Variants in ZNF484 observed in about 807,000 individuals in gnomAD.
ZNF484 encodes KRAB box containing C2H2 type zinc finger bA526D8.4.
Under a neutral mutation model 12.9 loss-of-function variants are expected in ZNF484, and 11 were observed. The ratio of observed to expected loss-of-function variants is 0.85; its 90% CI spans 0.54 to 1.41. ZNF484 has a LOEUF of 1.41. ZNF484 is among the 40% of genes most tolerant of loss of function. The probability of loss-of-function intolerance (pLI) is 0.00; values close to 1 mark genes in which losing one functional copy is unlikely to be tolerated. For missense variants in ZNF484, 807 were observed against 1,007.7 expected (o/e 0.80, Z 2.70); for synonymous variants, 289 against 334.1 (o/e 0.86, Z 1.47).
chr9:92,859,869 A>G (rs1233963535), intron 2 of ZNF484, among the ~76,000 whole-genome samples: 1 of 152,256 alleles, frequency 6.6e-6, no homozygotes, highest in Non-Finnish European at 1.5e-5. Context: ...TGTCAATGAG[A>G]GTTCCAGGTG....
chr9:92,867,519 A>C (rs1463318060), intron 2 of ZNF484, among the ~76,000 whole-genome samples: 1 of 152,058 alleles, frequency 6.6e-6, no homozygotes, highest in East Asian at 1.9e-4. Context: ...ACAACAAAAA[A>C]ACAAACCTAG....
chr9:92,856,395 T>G, intron 2 of ZNF484, 77 bp from the exon 3 acceptor site: 1 of 1,229,736 alleles, frequency 8.1e-7, no homozygotes, highest in Non-Finnish European at 1.1e-6. Context: ...AACCTTTCAA[T>G]GTGAAGGATC....
In ZNF484 at chr9:92,877,989, G is replaced by A. The variant is rs1857944604; in HGVS notation, c.-130C>T. 1.1e-6 allele frequency: 1 copy of A among 894,896 alleles called. No individual in the cohort carries two copies. The highest frequency in any genetic ancestry group is 1.7e-6 in the Non-Finnish European group (1 of 591,452). 55.4% of individuals were successfully genotyped at this position (894,896 alleles called of 1,614,324 possible). A position where few individuals can be genotyped will look rare whatever the true frequency, so the allele number is the denominator to read the frequency against. ...CAGGACCCACTTCCTTTTTCTCAAT[G>A]CCTCCCAGGCCTAGAGGTACTTCTT... On this transcript the variant is annotated 5_prime_UTR_variant, in exon 1 of 5. Coordinates refer to ENST00000375495, the MANE Select transcript of ZNF484 (RefSeq NM_031486.4).
rs140480856 is a variant in ZNF484 at position 92,848,093 on chromosome 9, G to C, written c.694C>G (p.Leu232Val). ...TGAATGAGAGCTTGCTTATGATGCA[G>C]AGGTTTCCCACATTGGTTACATTCA... ...ACECNQCGKP[L>V]HHKQALIQQQ... Residue 232 changes from leucine (L) to valine (V), a missense_variant, in exon 5 of 5, where the codon CTG becomes GTG. Leu to Val is a conservative substitution (Grantham distance 32, BLOSUM62 1). Coordinates refer to ENST00000375495, the MANE Select transcript of ZNF484 (RefSeq NM_031486.4). This position sits in a 1 kb window ranked among gnomAD's most constrained non-coding sequence, Gnocchi z 4.1. 1.4e-4 allele frequency: 225 copies of C among 1,614,220 alleles called. No individual in the cohort carries two copies. In the East Asian group the frequency reaches 4.9e-3, roughly 35 times the overall value.
intron 2 of ZNF484, among the ~76,000 whole-genome samples, chr9:92,860,331 G>A (rs556642699): frequency 3.3e-5 from 5 of 152,240 alleles, no homozygotes; most frequent in Non-Finnish European, 5.9e-5. Context: ...GGCCAGGCGC[G>A]GTGGCTCACG....
intron 4 of ZNF484, among the ~76,000 whole-genome samples, chr9:92,854,633 C>T (rs1171133767): frequency 8.5e-5 from 13 of 152,088 alleles, no homozygotes; most frequent in South Asian, 4.1e-4. Context: ...AGGAGAATGG[C>T]GTGAACCTGG....
Position 92,855,444 on chromosome 9 carries a change from A to T in ZNF484, c.235+367T>A, listed in dbSNP as rs77085984. On this transcript the variant is annotated intron_variant, in intron 4 of 4. Coordinates refer to ENST00000375495, the MANE Select transcript of ZNF484 (RefSeq NM_031486.4). ...AGAAGGTAGATCTATGAGTATTTGA[A>T]TGCATAAGGAAATGATCTAAGACCT... Among the ~76,000 whole-genome samples the T allele has an allele frequency of 8.4e-3, 1,285 of 152,334 alleles. 41 individuals are homozygous for T. In the East Asian group the frequency reaches 0.097, roughly 12 times the overall value.
At chr9:92,876,021 G>T (rs1308683324) in intron 1 of ZNF484, among the ~76,000 whole-genome samples, 1 of 149,732 alleles carries the variant, frequency 6.7e-6, no homozygotes, top group East Asian at 1.9e-4. Flanking sequence ...CACTTGCAGA[G>T]TATCTCTATC....
At chr9:92,858,484 A>G (rs1856596113) in intron 2 of ZNF484, among the ~76,000 whole-genome samples, 1 of 152,220 alleles carries the variant, frequency 6.6e-6, no homozygotes, top group Admixed American at 6.5e-5. Context: ...TATGAATGTC[A>G]TCAACCCTTA....
chr9:92,864,710 TA>T (rs1856967868), intron 2 of ZNF484, among the ~76,000 whole-genome samples: 2 of 152,084 alleles, frequency 1.3e-5, no homozygotes, highest in Non-Finnish European at 2.9e-5. Context: ...AATGACAATC[TA>T]AAATACATAA....
At position 92,846,297 on chromosome 9, in the gene ZNF484, T is replaced by TA. The variant is rs1855582612; in HGVS notation, c.2489dup (p.Glu831ArgfsTer15). 1 of 1,614,028 alleles carries TA rather than the reference T, an allele frequency of 6.2e-7. No homozygotes were observed. Among genetic ancestry groups the TA allele is most frequent in the African/African-American group, 1.3e-5 (1 of 74,914 alleles). On this transcript the variant is annotated frameshift_variant, in exon 5 of 5. Transcript: ENST00000375495. LOFTEE classifies it low-confidence loss of function (END_TRUNC). The stretch of plus-strand genomic sequence containing the variant: ...ACCATAATTGTGGCATGGAGCACTC[T>TA]ACTTCCCCATTGTCAGATTTCTGAG...
chr9:92,869,105 T>C (rs1478733624), intron 2 of ZNF484, among the ~76,000 whole-genome samples: 2 of 152,032 alleles, frequency 1.3e-5, no homozygotes. Flanking sequence ...TGTGACTGAA[T>C]TAGTTAATAG....
At chr9:92,856,002 C>A (rs1856425901) in intron 3 of ZNF484, 99 bp from the exon 4 acceptor site, 1 of 1,432,056 alleles carries the variant, frequency 7.0e-7, no homozygotes, top group Non-Finnish European at 9.7e-7. Flanking sequence ...GAGGAATATT[C>A]ACACTACCCG....
At chr9:92,863,218 T>C (rs1587752868) in intron 2 of ZNF484, among the ~76,000 whole-genome samples, 2 of 138,628 alleles carry the variant, frequency 1.4e-5, no homozygotes, top group Admixed American at 1.6e-4. Context: ...CTGAACAATG[T>C]GAACACATGG....
chr9:92,863,534 G>A (rs879617585), intron 2 of ZNF484, among the ~76,000 whole-genome samples: 9 of 152,088 alleles, frequency 5.9e-5, no homozygotes, highest in African/African-American at 2.2e-4. Flanking sequence ...CCTTAGTTAG[G>A]GAGAAAATAT....
chr9:92,844,303 GTAA>G lies in ZNF484; in HGVS notation c.*1922_*1924del, dbSNP rs1433648848. Among the ~76,000 whole-genome samples, 1 of 152,170 alleles carries G rather than the reference GTAA, an allele frequency of 6.6e-6. No homozygotes were observed. Among genetic ancestry groups the G allele is most frequent in the African/African-American group, 2.4e-5 (1 of 41,426 alleles). Reference sequence around the variant, plus strand: ...TTAGAAAACAGGCCAACAGAACTGGGTAATAAGGTTATCCCTAAAAGAAACAGA... The same window carrying G: ...TTAGAAAACAGGCCAACAGAACTGGGTAAGGTTATCCCTAAAAGAAACAGA... On this transcript the variant is annotated 3_prime_UTR_variant, in exon 5 of 5. Coordinates refer to ENST00000375495, the MANE Select transcript of ZNF484 (RefSeq NM_031486.4).
intron 4 of ZNF484, among the ~76,000 whole-genome samples, chr9:92,855,360 A>G (rs1022155710): frequency 1.4e-4 from 22 of 152,166 alleles, no homozygotes; most frequent in Admixed American, 4.6e-4. Context: ...ACTAAGGGGA[A>G]AGAGACAAAA....
At chr9:92,864,744 T>C (rs1469672611) in intron 2 of ZNF484, among the ~76,000 whole-genome samples, 3 of 152,100 alleles carry the variant, frequency 2.0e-5, no homozygotes, top group Non-Finnish European at 2.9e-5. Context: ...CAAAATTACA[T>C]GGAGAAATTG....
At position 92,846,176 on chromosome 9, in the gene ZNF484, C is replaced by T. The variant is rs1489705223; in HGVS notation, c.*52G>A. 7 of 1,555,058 alleles carry T rather than the reference C, an allele frequency of 4.5e-6. No homozygotes were observed. The highest frequency in any genetic ancestry group is 3.5e-4 in the Middle Eastern group (2 of 5,764). On this transcript the variant is annotated 3_prime_UTR_variant, in exon 5 of 5. Transcript: ENST00000375495. ...CTTAAACACTCTCAAAAGTGTCTCC[C>T]CATATGTGTAACTACACATCAGCTA...
Sources: allele counts gnomAD v4.1 joint callset (sites outside exome capture counted in the v4.1 genomes callset), GRCh38; gene constraint gnomAD v4.1.1; non-coding constraint Gnocchi (gnomAD v3.1); transcripts MANE v1.5; gene names NCBI Gene and HGNC (gene_info 2026-07-23, HGNC 2026-07-21).